Variants in TYW1B observed in about 807,000 individuals in gnomAD.
TYW1B encodes the protein tRNA-yW synthesizing protein 1 homolog B, also known as S-adenosyl-L-methionine-dependent tRNA 4-demethylwyosine synthase TYW1B.
TYW1B carries 73 observed loss-of-function variants against 86.9 expected under a neutral mutation model. The ratio of observed to expected loss-of-function variants is 0.84; its 90% CI spans 0.70 to 1.02. The LOEUF is 1.02. Ranked by LOEUF, TYW1B falls within the 50% of genes least tolerant of loss-of-function variation. The pLI is 0.00. For synonymous variants in TYW1B, 248 were observed against 292.8 expected, an observed-to-expected ratio of 0.85 and a Z score of 1.56; for missense variants, 637 against 827.4, an observed-to-expected ratio of 0.77 and a Z score of 2.82.
At chr7:72,576,787 C>T (rs1222020206) in intron 13 of TYW1B, among the ~76,000 whole-genome samples, 1 of 151,714 alleles carries the variant, frequency 6.6e-6, no homozygotes, top group Non-Finnish European at 1.5e-5. Context: ...GCTGGGATTA[C>T]AGGCGTGAGC....
At chr7:72,779,317 A>G (rs1788008825) in intron 6 of TYW1B, among the ~76,000 whole-genome samples, 1 of 152,270 alleles carries the variant, frequency 6.6e-6, no homozygotes, top group Non-Finnish European at 1.5e-5. Flanking sequence ...GATGGCCCAT[A>G]AGTTGCTGGT....
intron 13 of TYW1B, among the ~76,000 whole-genome samples, chr7:72,612,208 G>A (rs1423370160): frequency 1.3e-5 from 2 of 152,110 alleles, no homozygotes; most frequent in African/African-American, 4.8e-5. Flanking sequence ...TAGAGAGAAC[G>A]AAGAGACAGA....
intron 13 of TYW1B, among the ~76,000 whole-genome samples, chr7:72,608,829 G>A (rs1414503191): frequency 4.6e-5 from 7 of 152,308 alleles, no homozygotes; most frequent in African/African-American, 1.7e-4. Context: ...CAGAGGCTAG[G>A]GATAGTTGGT....
intron 11 of TYW1B, among the ~76,000 whole-genome samples, chr7:72,692,131 G>A (rs537791438): frequency 2.7e-5 from 4 of 148,132 alleles, no homozygotes; most frequent in South Asian, 4.3e-4. Context: ...ACTTGAACCC[G>A]GGAGGTAGAT....
intron 2 of TYW1B, among the ~76,000 whole-genome samples, chr7:72,826,274 T>C (rs1554481399): frequency 6.6e-6 from 1 of 152,200 alleles, no homozygotes; most frequent in Non-Finnish European, 1.5e-5. Context: ...CAAGCCTAAA[T>C]CGTTTCCCAA....
At chr7:72,704,469 C>T (rs1814566423) in intron 10 of TYW1B, among the ~76,000 whole-genome samples, 1 of 149,710 alleles carries the variant, frequency 6.7e-6, no homozygotes, top group East Asian at 2.0e-4. Flanking sequence ...TCCATCTTGG[C>T]CAGGCATGGT....
intron 11 of TYW1B, among the ~76,000 whole-genome samples, chr7:72,682,172 A>G (rs1554448576): frequency 1.3e-5 from 2 of 152,000 alleles, no homozygotes; most frequent in Non-Finnish European, 2.9e-5. Context: ...GCCACCACAC[A>G]TAGCCTATAA....
chr7:72,666,873 T>C (rs1813474786), intron 11 of TYW1B, among the ~76,000 whole-genome samples: 1 of 150,396 alleles, frequency 6.6e-6, no homozygotes, highest in Non-Finnish European at 1.5e-5. Flanking sequence ...CTACTAAAAA[T>C]ACAAAAAAAT....
chr7:72,645,849 T>C (rs1338142765), intron 11 of TYW1B, among the ~76,000 whole-genome samples: 1 of 150,382 alleles, frequency 6.6e-6, no homozygotes, highest in Non-Finnish European at 1.5e-5. Flanking sequence ...CTGTGCTCAT[T>C]TTGTAATAAT....
intron 2 of TYW1B, among the ~76,000 whole-genome samples, chr7:72,818,379 C>T (rs1586008801): frequency 6.6e-6 from 1 of 151,610 alleles, no homozygotes; most frequent in East Asian, 1.9e-4. Context: ...GTCAGGAGTT[C>T]GAGACCAGCC....
In TYW1B at chr7:72,632,425, A is replaced by T. The variant is rs10233868; in HGVS notation, c.1507-3428T>A. On this transcript the variant is annotated intron_variant, in intron 11 of 13. Coordinates refer to ENST00000620995, the MANE Select transcript of TYW1B (RefSeq NM_001145440.3). Reference sequence around the variant, plus strand: ...AATATATATATACATATATATATAAAATATATATATACGTATATATATAAA... The same window carrying T: ...AATATATATATACATATATATATAATATATATATATACGTATATATATAAA... Among the ~76,000 whole-genome samples the T allele has an allele frequency of 4.0e-4, 37 of 92,506 alleles. 1 individual carries two copies. Among genetic ancestry groups the T allele is most frequent in the South Asian group, 8.1e-4 (3 of 3,686 alleles). The allele number at this position is 92,506 out of a possible 152,430, so 60.7% of individuals were successfully genotyped here.
chr7:72,650,067 TG>T (rs1327314889), intron 11 of TYW1B, among the ~76,000 whole-genome samples: 2 of 121,952 alleles, frequency 1.6e-5, no homozygotes, highest in East Asian at 2.7e-4. Flanking sequence ...TTTTTTTTGT[TG>T]GTTTTTTTTT....
intron 11 of TYW1B, among the ~76,000 whole-genome samples, chr7:72,661,223 G>T (rs1460314188): frequency 1.7e-5 from 1 of 58,646 alleles, no homozygotes; most frequent in Non-Finnish European, 4.9e-5. Context: ...TTCTAGGGAG[G>T]TCTGGTGGGG....
rs1299250874 is a variant in TYW1B at position 72,653,329 on chromosome 7, G to A, written c.1507-24332C>T. Among the ~76,000 whole-genome samples the A allele has an allele frequency of 1.2e-4, 19 of 152,214 alleles. No homozygotes were observed. The East Asian group carries it at 2.9e-3, about 23-fold the overall frequency. ...CCAATATCAAAAATGAAAAGAGGGCGGGCGCAGTGGCTCACGCCTGTAATC... is the reference window on the plus strand; with the variant it reads ...CCAATATCAAAAATGAAAAGAGGGCAGGCGCAGTGGCTCACGCCTGTAATC... On this transcript the variant is annotated intron_variant, in intron 11 of 13. Coordinates refer to ENST00000620995, the MANE Select transcript of TYW1B (RefSeq NM_001145440.3).
intron 7 of TYW1B, among the ~76,000 whole-genome samples, chr7:72,749,424 G>A (rs1787456042): frequency 6.6e-6 from 1 of 152,078 alleles, no homozygotes; most frequent in South Asian, 2.1e-4. Context: ...CTCCTGAGTA[G>A]CTGGGACTAC....
At chr7:72,764,145 C>A (rs1787733051) in intron 7 of TYW1B, among the ~76,000 whole-genome samples, 1 of 152,112 alleles carries the variant, frequency 6.6e-6, no homozygotes, top group South Asian at 2.1e-4. Flanking sequence ...AATTCCTTGT[C>A]AACTGGGAAA....
chr7:72,658,010 C>A (rs1813244920), intron 11 of TYW1B, among the ~76,000 whole-genome samples: 1 of 152,186 alleles, frequency 6.6e-6, no homozygotes, highest in African/African-American at 2.4e-5. Flanking sequence ...AATCCCAGCA[C>A]TTTGGGAGGC....
At chr7:72,740,087 G>T (rs1787274861) in intron 8 of TYW1B, among the ~76,000 whole-genome samples, 2 of 149,554 alleles carry the variant, frequency 1.3e-5, no homozygotes, top group South Asian at 2.2e-4. Flanking sequence ...CAAAAAATTA[G>T]CCGGGTGTGG....
rs782015691 is a variant in TYW1B at position 72,807,224 on chromosome 7, T to C, written c.565A>G (p.Lys189Glu). ...AGTGCCTGCAGCTGGGAGATGAACT[T>C]GGTCTTCCATGCTCTGAAGTTGGCC... is the stretch of plus-strand genomic sequence containing the variant. ...IEANFRAWKTKFISQLQALQK... is the reference protein window; with the variant it reads ...IEANFRAWKTEFISQLQALQK... The change falls in exon 5 of 14, where the codon AAG becomes GAG. Residue 189 changes from lysine (K) to glutamate (E), a missense_variant. Coordinates refer to ENST00000620995, the MANE Select transcript of TYW1B (RefSeq NM_001145440.3). The C allele has an allele frequency of 1.2e-6, 2 of 1,614,140 alleles. No individual in the cohort carries two copies. The highest frequency in any genetic ancestry group is 1.7e-6 in the Non-Finnish European group (2 of 1,180,008).
Sources: allele counts gnomAD v4.1 joint callset (sites outside exome capture counted in the v4.1 genomes callset), GRCh38; gene constraint gnomAD v4.1.1; transcripts MANE v1.5; gene names NCBI Gene and HGNC (gene_info 2026-07-23, HGNC 2026-07-21).